Variants in USHBP1 observed in about 807,000 individuals in gnomAD.
USHBP1 encodes harmonin-binding protein USHBP1.
A neutral mutation model predicts 76.2 loss-of-function variants in USHBP1; 67 were observed. That is an observed-to-expected ratio of 0.88 (90% CI 0.72 to 1.08). The LOEUF (loss-of-function observed/expected upper bound fraction) is 1.08, where lower values mean the gene tolerates loss of function less well. USHBP1 is among the 50% of genes least tolerant of loss of function. The pLI is 0.00. For synonymous variants in USHBP1, 322 were observed against 362.2 expected, an observed-to-expected ratio of 0.89 and a Z score of 1.26; for missense variants, 931 against 915.0, an observed-to-expected ratio of 1.02 and a Z score of -0.23.
Position 17,251,588 on chromosome 19 carries a change from G to C in USHBP1, c.1916C>G (p.Ala639Gly), listed in dbSNP as rs1181306732. 1.2e-6 allele frequency: 2 copies of C among 1,613,766 alleles called. No homozygotes were observed. Among genetic ancestry groups the C allele is most frequent in the Non-Finnish European group, 1.7e-6 (2 of 1,179,906 alleles). Residue 639 changes from alanine to glycine, a missense_variant, in exon 12 of 13, where the codon GCC becomes GGC. Physicochemically the swap from Ala to Gly is moderately conservative, Grantham distance 60. Transcript: ENST00000252597. Reference protein sequence around the residue: ...SAELNRDLCKAHSALVLAFRG... With the variant: ...SAELNRDLCKGHSALVLAFRG... Reference sequence around the variant, plus strand: ...GGATGCAGAACAGTCCTACCTGTGGGCTTTGCATAAATCCCTGTTCAGCTC... The same window carrying C: ...GGATGCAGAACAGTCCTACCTGTGGCCTTTGCATAAATCCCTGTTCAGCTC...
chr19:17,262,345 G>A (rs983761695), intron 4 of USHBP1, among the ~76,000 whole-genome samples: 2 of 151,818 alleles, frequency 1.3e-5, no homozygotes, highest in African/African-American at 4.8e-5. Context: ...TGGCAGTCTT[G>A]CTGTGTTGCT....
intron 12 of USHBP1, 142 bp downstream of exon 12, chr19:17,251,440 A>G (rs1179256949): frequency 2.6e-6 from 3 of 1,176,228 alleles, no homozygotes; most frequent in East Asian, 2.6e-5. Context: ...CTGGGATTAC[A>G]GGTGTGAGCC....
At chr19:17,254,946 A>AT (rs2073599610) in intron 10 of USHBP1, among the ~76,000 whole-genome samples, 1 of 152,040 alleles carries the variant, frequency 6.6e-6, no homozygotes, top group African/African-American at 2.4e-5. Flanking sequence ...GGGACACAGA[A>AT]TATACAAAGG....
At chr19:17,258,143 G>A (rs2073642857) in intron 8 of USHBP1, 69 bp downstream of exon 8, 1 of 1,601,100 alleles carries the variant, frequency 6.2e-7, no homozygotes, top group African/African-American at 1.3e-5. Context: ...GGTGAGCTCT[G>A]GGAGCCCCAT....
In USHBP1 at chr19:17,251,896, G is replaced by T; in HGVS notation, c.1799+15C>A. 6.5e-7 allele frequency: 1 copy of T among 1,535,022 alleles called. No individual in the cohort carries two copies. The highest frequency in any genetic ancestry group is 1.2e-5 in the South Asian group (1 of 82,646). On this transcript the variant is annotated intron_variant, in intron 11 of 12. Transcript: ENST00000252597. ...CCTGCCCACCCCCCGCACAGCCCAGGACCCAGGCACACACCTGGTGAGCGA... is the reference window on the plus strand; with the variant it reads ...CCTGCCCACCCCCCGCACAGCCCAGTACCCAGGCACACACCTGGTGAGCGA...
chr19:17,257,859 G>T (rs1322736168), intron 8 of USHBP1, among the ~76,000 whole-genome samples: 2 of 152,018 alleles, frequency 1.3e-5, no homozygotes, highest in South Asian at 4.1e-4. Context: ...ATGTTACAAG[G>T]GCTGGTCTTG....
chr19:17,254,177 A>G (rs1433050905), intron 10 of USHBP1, among the ~76,000 whole-genome samples: 1 of 151,736 alleles, frequency 6.6e-6, no homozygotes, highest in Non-Finnish European at 1.5e-5. Flanking sequence ...CCCCGTCTCT[A>G]CTAAAAAAAT....
chr19:17,261,643 T>A (rs201474002), intron 4 of USHBP1, among the ~76,000 whole-genome samples: 11,912 of 75,534 alleles, frequency 0.16, 486 homozygotes, highest in South Asian at 0.2. Context: ...TATTATTATT[T>A]TTTTTTTTTT....
chr19:17,254,230 C>T (rs1171432091), intron 10 of USHBP1, among the ~76,000 whole-genome samples: 1 of 151,754 alleles, frequency 6.6e-6, no homozygotes, highest in Non-Finnish European at 1.5e-5. Context: ...GCCTGTAGTC[C>T]CAGCTACTCG....
chr19:17,258,236 C>G lies in USHBP1; in HGVS notation c.1196G>C (p.Gly399Ala), dbSNP rs745409353. The change falls in exon 8 of 13, where the codon GGA (glycine) becomes GCA (alanine). Residue 399 changes from glycine to alanine, a missense_variant. By Grantham distance (60) the Gly-to-Ala change is moderately conservative. Coordinates refer to ENST00000252597, the MANE Select transcript of USHBP1 (RefSeq NM_031941.4). The stretch of plus-strand genomic sequence containing the variant: ...CCTTGGCTGTGGATTCTGCTGTGCT[C>G]CTGCATCCATGGCAGCCTCCTCTTG... ...LAQEEAAMDA[G>A]AQQNPQPSPE... is the part of the protein sequence containing the mutation. 1 of 1,614,024 alleles carries G rather than the reference C, an allele frequency of 6.2e-7. No individual in the cohort carries two copies. The highest frequency in any genetic ancestry group is 1.1e-5 in the South Asian group (1 of 91,082).
At chr19:17,254,751 A>G (rs956440469) in intron 10 of USHBP1, among the ~76,000 whole-genome samples, 2 of 152,000 alleles carry the variant, frequency 1.3e-5, no homozygotes, top group African/African-American at 4.8e-5. Flanking sequence ...CTCCGGGTTC[A>G]AGTGATCCTC....
chr19:17,264,610 C>T (rs2073730890), intron 1 of USHBP1, 61 bp downstream of exon 1: 2 of 413,066 alleles, frequency 4.8e-6, no homozygotes, highest in Admixed American at 4.3e-5. Flanking sequence ...CCTGGGAATG[C>T]GATCTCAAGA....
Position 17,251,678 on chromosome 19 carries a change from T to C in USHBP1, c.1826A>G (p.Gln609Arg), listed in dbSNP as rs886630185. ...TRTLDLQEQL[Q>R]SLRRELEQVA... is the part of the protein sequence containing the mutation. ...CTGTTCCAGCTCCCTGCGCAGAGAC[T>C]GCAGCTGCTCCTGCAGGTCCAGTGT... Residue 609 changes from glutamine to arginine, a missense_variant, in exon 12 of 13, where the codon CAG becomes CGG. Transcript: ENST00000252597. The C allele has an allele frequency of 6.2e-7, 1 of 1,613,746 alleles. No individual in the cohort carries two copies. The highest frequency in any genetic ancestry group is 8.5e-7 in the Non-Finnish European group (1 of 1,179,998).
At position 17,264,002 on chromosome 19, in the gene USHBP1, C is replaced by G. The variant is rs1421009709; in HGVS notation, c.203G>C (p.Arg68Thr). The change falls in exon 3 of 13, where the codon AGG (arginine) becomes ACG (threonine). Residue 68 changes from arginine to threonine, a missense_variant and splice_region_variant. Arg to Thr is a moderately conservative substitution (Grantham distance 71). Transcript: ENST00000252597. ...AGGGCACAGACCAAGCGGGTCTTAC[C>G]TGCTTCCTAGGCCTTGGCCACTGAC... Reference protein sequence around the residue: ...EEVSGQGLGSRTDKKMDGGSG... With the variant: ...EEVSGQGLGSTTDKKMDGGSG... 1 of 1,581,360 alleles carries G rather than the reference C, an allele frequency of 6.3e-7. No individual in the cohort carries two copies. Among genetic ancestry groups the G allele is most frequent in the Non-Finnish European group, 8.6e-7 (1 of 1,164,152 alleles).
intron 3 of USHBP1, 45 bp downstream of exon 3, chr19:17,263,957 A>G: frequency 2.0e-6 from 3 of 1,481,932 alleles, no homozygotes; most frequent in Non-Finnish European, 2.7e-6. Context: ...GATGGCAAAG[A>G]TGCGTCTGGA....
chr19:17,261,715 G>A (rs2073692478), intron 4 of USHBP1, among the ~76,000 whole-genome samples: 1 of 150,152 alleles, frequency 6.7e-6, no homozygotes, highest in African/African-American at 2.5e-5. Context: ...TCGGCTCACT[G>A]CAACCTCCAC....
At position 17,264,715 on chromosome 19, in the gene USHBP1, G is replaced by A. The variant is rs967737357; in HGVS notation, c.-93C>T. On this transcript the variant is annotated 5_prime_UTR_variant, in exon 1 of 13. Coordinates refer to ENST00000252597, the MANE Select transcript of USHBP1 (RefSeq NM_031941.4). ...TAACTTGATCAGAGGCCTGAGTCCC[G>A]GGACACTCTGTTGGGGTCACTCTGA... is the stretch of plus-strand genomic sequence containing the variant. The A allele has an allele frequency of 8.8e-5, 18 of 205,494 alleles. No individual in the cohort carries two copies. Among genetic ancestry groups the A allele is most frequent in the African/African-American group, 4.0e-4 (17 of 42,858 alleles). The allele number at this position is 205,494 out of a possible 1,614,324, so 12.7% of individuals were successfully genotyped here.
Position 17,264,242 on chromosome 19 carries a change from T to C in USHBP1, c.54+4A>G. The C allele has an allele frequency of 1.9e-6, 3 of 1,613,494 alleles. No individual in the cohort carries two copies. Among genetic ancestry groups the C allele is most frequent in the Non-Finnish European group, 1.7e-6 (2 of 1,179,846 alleles). On this transcript the variant is annotated splice_donor_region_variant and intron_variant, in intron 2 of 12. Coordinates refer to ENST00000252597, the MANE Select transcript of USHBP1 (RefSeq NM_031941.4). The stretch of plus-strand genomic sequence containing the variant: ...GGGTGTGGAGGGGAGAGGGTGACAC[T>C]TACGGGTGGAGCATGCCTCCCTCGC...
chr19:17,260,540 G>A (rs780935400), intron 4 of USHBP1, among the ~76,000 whole-genome samples: 1 of 152,136 alleles, frequency 6.6e-6, no homozygotes, highest in Non-Finnish European at 1.5e-5. Flanking sequence ...ATGTTGACCA[G>A]GCTGGTCTTG....
Sources: allele counts gnomAD v4.1 joint callset (sites outside exome capture counted in the v4.1 genomes callset), GRCh38; gene constraint gnomAD v4.1.1; transcripts MANE v1.5; gene names NCBI Gene and HGNC (gene_info 2026-07-23, HGNC 2026-07-21).